Variants in CHCHD3 observed in about 807,000 individuals in gnomAD.
CHCHD3 encodes the protein MICOS complex subunit MIC19.
Under a neutral mutation model 38.2 loss-of-function variants are expected in CHCHD3, and 20 were observed. The ratio of observed to expected loss-of-function variants is 0.52; its 90% CI spans 0.37 to 0.76. CHCHD3 has a LOEUF of 0.76. Ranked by LOEUF, CHCHD3 falls within the 30% of genes least tolerant of loss-of-function variation. The pLI is 0.00. For missense variants in CHCHD3, 245 were observed against 279.2 expected (o/e 0.88, Z 0.87); for synonymous variants, 82 against 100.0 (o/e 0.82, Z 1.07).
intron 5 of CHCHD3, among the ~76,000 whole-genome samples, chr7:132,884,160 A>C (rs925634135): frequency 6.6e-6 from 1 of 152,004 alleles, no homozygotes; most frequent in African/African-American, 2.4e-5. Flanking sequence ...ATCTGCTCCC[A>C]AACCCCCCAG....
chr7:132,868,434 C>A (rs1808685310), intron 5 of CHCHD3, among the ~76,000 whole-genome samples: 1 of 151,802 alleles, frequency 6.6e-6, no homozygotes, highest in South Asian at 2.1e-4. Context: ...GTAATTTAGT[C>A]AAAAAAATTA....
chr7:132,881,412 T>C (rs1484171522), intron 5 of CHCHD3, among the ~76,000 whole-genome samples: 2 of 152,170 alleles, frequency 1.3e-5, no homozygotes, highest in African/African-American at 4.8e-5. Flanking sequence ...AAAAGAAATC[T>C]GCATCAAGCC....
At chr7:132,928,633 G>T (rs1810437054) in intron 4 of CHCHD3, among the ~76,000 whole-genome samples, 1 of 152,088 alleles carries the variant, frequency 6.6e-6, no homozygotes, top group African/African-American at 2.4e-5. Context: ...GGAGGCGGAG[G>T]TTGCAGTGAG....
intron 6 of CHCHD3, among the ~76,000 whole-genome samples, chr7:132,799,288 T>C (rs1451795981): frequency 3.9e-5 from 6 of 152,166 alleles, no homozygotes; most frequent in Non-Finnish European, 8.8e-5. Flanking sequence ...CTAAATGAGA[T>C]TGCTGTCTAA....
chr7:132,844,129 A>G (rs554378450), intron 5 of CHCHD3, among the ~76,000 whole-genome samples: 1 of 152,160 alleles, frequency 6.6e-6, no homozygotes, highest in South Asian at 2.1e-4. Context: ...GTGAAACCTC[A>G]TCTCTACTAA....
chr7:132,800,482 T>G (rs1213323044), intron 6 of CHCHD3, among the ~76,000 whole-genome samples: 1 of 152,192 alleles, frequency 6.6e-6, no homozygotes, highest in African/African-American at 2.4e-5. Context: ...GCTTTACATT[T>G]CAAGAAAACT....
intron 3 of CHCHD3, among the ~76,000 whole-genome samples, chr7:133,020,002 G>A (rs1408870050): frequency 3.3e-5 from 5 of 151,680 alleles, no homozygotes; most frequent in African/African-American, 4.8e-5. Context: ...ACAGACTGCC[G>A]ACAGAGGCAT....
chr7:132,987,080 T>C (rs1812141566), intron 3 of CHCHD3, among the ~76,000 whole-genome samples: 1 of 152,194 alleles, frequency 6.6e-6, no homozygotes, highest in Non-Finnish European at 1.5e-5. Context: ...ACAATGCCTC[T>C]AGCCACCCAG....
intron 1 of CHCHD3, among the ~76,000 whole-genome samples, chr7:133,077,293 A>G (rs539519274): frequency 6.6e-6 from 1 of 152,070 alleles, no homozygotes; most frequent in Admixed American, 6.5e-5. Context: ...ATTCCTCAAC[A>G]CTCCCAAGGG....
chr7:133,021,373 T>C (rs1464215703), intron 3 of CHCHD3, among the ~76,000 whole-genome samples: 1 of 152,214 alleles, frequency 6.6e-6, no homozygotes, highest in African/African-American at 2.4e-5. Flanking sequence ...CCCCTCCTTA[T>C]GGAATGCTCA....
rs144173647 is a variant in CHCHD3, at chr7:132,907,122, G to C, written c.370-21377C>G. On this transcript the variant is annotated intron_variant, in intron 4 of 7. Coordinates refer to ENST00000262570, the MANE Select transcript of CHCHD3 (RefSeq NM_017812.4). ...AACTTAATATATCTATTCATTTATT[G>C]AATAAGCACTCAATGAAAACCTGTG... is the stretch of plus-strand genomic sequence containing the variant. Among the ~76,000 whole-genome samples the C allele has an allele frequency of 1.3e-4, 20 of 152,250 alleles. 1 individual carries two copies. The highest frequency in any genetic ancestry group is 3.4e-3 in the Middle Eastern group (1 of 294).
At chr7:133,073,491 A>G (rs1814887736) in intron 1 of CHCHD3, among the ~76,000 whole-genome samples, 1 of 151,984 alleles carries the variant, frequency 6.6e-6, no homozygotes, top group Non-Finnish European at 1.5e-5. Context: ...CTCACACCCA[A>G]AGTGTCCAAA....
chr7:132,802,600 G>A (rs1457127865), intron 6 of CHCHD3, among the ~76,000 whole-genome samples: 2 of 152,182 alleles, frequency 1.3e-5, no homozygotes, highest in Non-Finnish European at 2.9e-5. Flanking sequence ...GAAGAAACAA[G>A]CCATTGGCTA....
intron 6 of CHCHD3, among the ~76,000 whole-genome samples, chr7:132,802,915 G>A (rs540285027): frequency 2.1e-4 from 32 of 152,066 alleles, no homozygotes; most frequent in Admixed American, 1.2e-3. Flanking sequence ...TTGCGCTTTC[G>A]TCTGGGTGGG....
At chr7:132,821,979 G>A (rs1351276573) in intron 6 of CHCHD3, among the ~76,000 whole-genome samples, 1 of 152,026 alleles carries the variant, frequency 6.6e-6, no homozygotes, top group African/African-American at 2.4e-5. Flanking sequence ...AGCCAGGATG[G>A]TCTCGATCTC....
At chr7:132,956,384 T>C (rs987217913) in intron 4 of CHCHD3, among the ~76,000 whole-genome samples, 5 of 152,172 alleles carry the variant, frequency 3.3e-5, no homozygotes, top group Non-Finnish European at 5.9e-5. Context: ...GTAGGCCCTA[T>C]ACAAATAATT....
At chr7:133,048,821 C>T (rs1036937394) in intron 2 of CHCHD3, among the ~76,000 whole-genome samples, 3 of 152,170 alleles carry the variant, frequency 2.0e-5, no homozygotes, top group African/African-American at 2.4e-5. Flanking sequence ...GCAAGCACTT[C>T]GGGGTGTGTG....
Position 132,978,619 on chromosome 7 carries a change from G to T in CHCHD3, c.252-3333C>A, listed in dbSNP as rs144913887. 6.6e-5 allele frequency among the ~76,000 whole-genome samples: 10 copies of T among 152,260 alleles called. 1 individual carries two copies. In the East Asian group the frequency reaches 1.9e-3, roughly 29 times the overall value. On this transcript the variant is annotated intron_variant, in intron 3 of 7. Coordinates refer to ENST00000262570, the MANE Select transcript of CHCHD3 (RefSeq NM_017812.4). ...AAACTGCAAAAGAACACAAGGCGAT[G>T]GTATATAAGAAACAACTAACGAGAC...
intron 4 of CHCHD3, among the ~76,000 whole-genome samples, chr7:132,929,216 T>C (rs1485552936): frequency 6.6e-6 from 1 of 152,182 alleles, no homozygotes; most frequent in Non-Finnish European, 1.5e-5. Context: ...TGATAGCAAC[T>C]GATGGTTCAA....
Sources: allele counts gnomAD v4.1 joint callset (sites outside exome capture counted in the v4.1 genomes callset), GRCh38; gene constraint gnomAD v4.1.1; transcripts MANE v1.5; gene names NCBI Gene and HGNC (gene_info 2026-07-23, HGNC 2026-07-21).